RPL18A: variants seen among roughly 807,000 people sequenced by gnomAD.
The protein encoded by RPL18A is large ribosomal subunit protein eL20.
For missense variants in RPL18A, 163 were observed against 254.1 expected, an observed-to-expected ratio of 0.64 and a Z score of 2.44; for synonymous variants, 122 against 96.9, an observed-to-expected ratio of 1.26 and a Z score of -1.52.
intron 1 of RPL18A, 119 bp from the exon 2 acceptor site, chr19:17,861,174 G>A: frequency 1.2e-6 from 1 of 824,392 alleles, no homozygotes; most frequent in Non-Finnish European, 2.0e-6. Context: ...GGAGGCCCTA[G>A]GGTGGCCCTG....
intron 2 of RPL18A, 122 bp from the exon 3 acceptor site, chr19:17,861,972 G>A: frequency 8.5e-7 from 1 of 1,172,672 alleles, no homozygotes; most frequent in Non-Finnish European, 1.2e-6. Flanking sequence ...AGGCACAAGA[G>A]TCTGGCCATA....
In RPL18A at chr19:17,861,638, G is replaced by A. The variant is rs972564496; in HGVS notation, c.198+166G>A. The A allele has an allele frequency of 6.8e-5, 43 of 628,790 alleles. 1 individual carries two copies. Among genetic ancestry groups the A allele is most frequent in the Non-Finnish European group, 8.0e-5 (29 of 363,392 alleles). The allele number at this position is 628,790 out of a possible 1,614,324, so 39.0% of individuals were successfully genotyped here. On this transcript the variant is annotated intron_variant, in intron 2 of 4. Transcript: ENST00000222247. ...CGGGTTGTGTTTCTGCCTGGGTCAC[G>A]GGACTGGAGCAGAGCTTATGTGCCA...
At chr19:17,863,086 T>TG (rs1015921555) in intron 4 of RPL18A, 59 bp downstream of exon 4, 10 of 1,553,816 alleles carry the variant, frequency 6.4e-6, no homozygotes, top group South Asian at 1.1e-5. Context: ...AGGAGCCCAG[T>TG]GGGGGGCGGC....
At chr19:17,861,226 G>A in intron 1 of RPL18A, 67 bp from the exon 2 acceptor site, 3 of 1,440,678 alleles carry the variant, frequency 2.1e-6, no homozygotes, top group South Asian at 2.4e-5. Context: ...TGTAGGAAAG[G>A]GAGTGAGGTG....
In RPL18A at chr19:17,863,287, G is replaced by A; in HGVS notation, c.*24G>A. 1.4e-6 allele frequency: 2 copies of A among 1,440,256 alleles called. No homozygotes were observed. Among genetic ancestry groups the A allele is most frequent in the Non-Finnish European group, 1.9e-6 (2 of 1,030,376 alleles). The allele number at this position is 1,440,256 out of a possible 1,614,324, so 89.2% of individuals were successfully genotyped here. A position where few individuals can be genotyped will look rare whatever the true frequency, so the allele number is the denominator to read the frequency against. On this transcript the variant is annotated 3_prime_UTR_variant, in exon 5 of 5. Transcript: ENST00000222247. ...AGGTGCAGGGCCCTCGTCCGGGTGT[G>A]CCCCAAATAAACTCAGGAACGCCCC...
chr19:17,862,894 C>T (rs752196156), intron 3 of RPL18A, 24 bp from the exon 4 acceptor site: 16 of 1,545,674 alleles, frequency 1.0e-5, no homozygotes, highest in Non-Finnish European at 1.3e-5. Context: ...AACACCGTCA[C>T]CCTGGCCCCG....
chr19:17,861,051 A>G lies in RPL18A; in HGVS notation c.19-242A>G, dbSNP rs141150753. On this transcript the variant is annotated intron_variant, in intron 1 of 4. Transcript: ENST00000222247. ...TGGTCTGAAACCCTTAGCCCAGGCA[A>G]AGGAGAGGCAGGCAACTCAATTAAT... is the stretch of plus-strand genomic sequence containing the variant. 1.2e-3 allele frequency: 671 copies of G among 540,342 alleles called. 3 individuals are homozygous for G. Among genetic ancestry groups the G allele is most frequent in the African/African-American group, 0.012 (616 of 51,972 alleles). 33.5% of individuals were successfully genotyped at this position (540,342 alleles called of 1,614,324 possible).
chr19:17,862,906 TC>T lies in RPL18A; in HGVS notation c.329-10del, dbSNP rs1243074646. Reference sequence around the variant, plus strand: ...GGCAACACCGTCACCCTGGCCCCGCTCCTTTCCACAGACCGAGACATGGGTG... The same window carrying T: ...GGCAACACCGTCACCCTGGCCCCGCTCTTTCCACAGACCGAGACATGGGTG... On this transcript the variant is annotated splice_polypyrimidine_tract_variant and intron_variant, in intron 3 of 4. Transcript: ENST00000222247. The T allele has an allele frequency of 1.3e-6, 2 of 1,597,590 alleles. No homozygotes were observed. Among genetic ancestry groups the T allele is most frequent in the Non-Finnish European group, 1.7e-6 (2 of 1,166,380 alleles).
rs759006956 is a variant in RPL18A, at chr19:17,862,085, C to T, written c.199-9C>T. On this transcript the variant is annotated splice_polypyrimidine_tract_variant and intron_variant, in intron 2 of 4. Transcript: ENST00000222247. ...GCTCTCACATCTCCCTGTGGCCTCT[C>T]CTTGGCAGGTGTTTGAGAAGTCCCC... 5 of 1,610,442 alleles carry T rather than the reference C, an allele frequency of 3.1e-6. No homozygotes were observed. The highest frequency in any genetic ancestry group is 1.1e-5 in the South Asian group (1 of 90,706).
At chr19:17,861,717 A>G in intron 2 of RPL18A, 1 of 563,386 alleles carries the variant, frequency 1.8e-6, no homozygotes, top group South Asian at 2.2e-5. Flanking sequence ...GCATGGTGGG[A>G]CACCTTGGTT....
intron 1 of RPL18A, chr19:17,860,206 G>C (rs1238114316): frequency 2.0e-6 from 1 of 508,212 alleles, no homozygotes; most frequent in Non-Finnish European, 3.4e-6. Context: ...AAGGACTCCG[G>C]GTCTTCTTCC....
intron 2 of RPL18A, 21 bp from the exon 3 acceptor site, chr19:17,862,073 C>T: frequency 1.2e-6 from 2 of 1,610,446 alleles, no homozygotes; most frequent in Non-Finnish European, 1.7e-6. Context: ...CTCACATCTC[C>T]CTGTGGCCTC....
intron 2 of RPL18A, chr19:17,861,785 C>T (rs563986549): frequency 1.5e-5 from 8 of 543,152 alleles, no homozygotes; most frequent in South Asian, 4.7e-5. Flanking sequence ...GCTATCTGGT[C>T]AGTGGGTGGT....
At position 17,859,956 on chromosome 19, in the gene RPL18A, C is replaced by G. The variant is rs757835758; in HGVS notation, c.-1C>G. 1.9e-6 allele frequency: 3 copies of G among 1,539,776 alleles called. No individual in the cohort carries two copies. The highest frequency in any genetic ancestry group is 4.0e-5 in the Admixed American group (2 of 49,800). ...GTGGCGGCGAACGCGGAGAGCACGC[C>G]ATGAAGGCCTCGGGCACGGTAAGGC... On this transcript the variant is annotated 5_prime_UTR_variant, in exon 1 of 5. Coordinates refer to ENST00000222247, the MANE Select transcript of RPL18A (RefSeq NM_000980.4).
In RPL18A at chr19:17,862,903, C is replaced by G. The variant is rs200974938; in HGVS notation, c.329-15C>G. 825 of 1,588,462 alleles carry G rather than the reference C, an allele frequency of 5.2e-4. 3 individuals are homozygous for G. The highest frequency in any genetic ancestry group is 3.0e-4 in the Non-Finnish European group (348 of 1,158,122). Reference sequence around the variant, plus strand: ...CCAGGCAACACCGTCACCCTGGCCCCGCTCCTTTCCACAGACCGAGACATG... The same window carrying G: ...CCAGGCAACACCGTCACCCTGGCCCGGCTCCTTTCCACAGACCGAGACATG... On this transcript the variant is annotated splice_polypyrimidine_tract_variant and intron_variant, in intron 3 of 4. Coordinates refer to ENST00000222247, the MANE Select transcript of RPL18A (RefSeq NM_000980.4).
chr19:17,861,491 T>A lies in RPL18A; in HGVS notation c.198+19T>A, dbSNP rs1400683986. The A allele has an allele frequency of 6.4e-7, 1 of 1,559,430 alleles. No individual in the cohort carries two copies. The highest frequency in any genetic ancestry group is 1.4e-5 in the African/African-American group (1 of 73,998). On this transcript the variant is annotated intron_variant, in intron 2 of 4. Transcript: ENST00000222247. Reference sequence around the variant, plus strand: ...TGGGCAGGTATGGAGAGGCCGGGGCTACGTGGGGTCTGGAGTGGATTTGCG... The same window carrying A: ...TGGGCAGGTATGGAGAGGCCGGGGCAACGTGGGGTCTGGAGTGGATTTGCG...
Position 17,861,450 on chromosome 19 carries a change from G to A in RPL18A, c.176G>A (p.Gly59Glu). 3 of 1,596,984 alleles carry A rather than the reference G, an allele frequency of 1.9e-6. No homozygotes were observed. Among genetic ancestry groups the A allele is most frequent in the Non-Finnish European group, 2.6e-6 (3 of 1,169,214 alleles). The change falls in exon 2 of 5, where the codon GGG (glycine) becomes GAG (glutamate). Residue 59 changes from glycine to glutamate, a missense_variant. Gly to Glu is a moderately conservative substitution (Grantham distance 98). Transcript: ENST00000222247. ...SQLKKMKKSSGEIVYCGQVFE... is the reference protein window; with the variant it reads ...SQLKKMKKSSEEIVYCGQVFE... ...TTAAAGAAGATGAAGAAGTCTTCAG[G>A]GGAGATTGTCTACTGTGGGCAGGTA...
chr19:17,861,494 G>T (rs1057291497), intron 2 of RPL18A, 22 bp downstream of exon 2: 1 of 1,553,642 alleles, frequency 6.4e-7, no homozygotes, highest in Admixed American at 1.9e-5. Context: ...CCGGGGCTAC[G>T]TGGGGTCTGG....
chr19:17,861,706 G>T, intron 2 of RPL18A: 1 of 567,858 alleles, frequency 1.8e-6, no homozygotes, highest in East Asian at 3.0e-5. Flanking sequence ...GCGGGTGGGT[G>T]GCATGGTGGG....
Sources: gnomAD v4.1 joint callset for allele counts on GRCh38, gnomAD v4.1.1 for gene constraint, MANE v1.5 for transcripts, NCBI Gene and HGNC (gene_info 2026-07-23, HGNC 2026-07-21) for gene names.